Variants in AGAP1 observed in about 807,000 individuals in gnomAD.
AGAP1 encodes the protein arf-GAP with GTPase, ANK repeat and PH domain-containing protein 1.
In AGAP1, 29 loss-of-function variants were observed where a neutral mutation model predicts 105.3. That is an observed-to-expected ratio of 0.28 (90% CI 0.21 to 0.38). The LOEUF is 0.38. Among genes scored for constraint, AGAP1 ranks in the 10% least tolerant of loss-of-function variants. AGAP1 has a pLI of 1.00. For missense variants in AGAP1, 998 were observed against 1,165.1 expected (o/e 0.86, Z 2.09); for synonymous variants, 509 against 485.9 (o/e 1.05, Z -0.63).
chr2:235,812,621 C>A (rs562678632), intron 9 of AGAP1, among the ~76,000 whole-genome samples: 3 of 152,350 alleles, frequency 2.0e-5, no homozygotes, highest in African/African-American at 7.2e-5. Context: ...GCGTGTGCTG[C>A]TTTCATGGAG....
At chr2:235,632,192 G>A (rs1345343359) in intron 1 of AGAP1, among the ~76,000 whole-genome samples, 1 of 152,214 alleles carries the variant, frequency 6.6e-6, no homozygotes, top group African/African-American at 2.4e-5. Context: ...TAGCCGCCCT[G>A]GCAGTTCAGT....
rs183982989 is a variant in AGAP1, at chr2:235,874,295, G to A, written c.1051-9050G>A. The stretch of plus-strand genomic sequence containing the variant: ...CGATCTCCTGACCTTGTGATCTGCC[G>A]GCCTCGGCCTCCCAAAGTGCTGGGG... On this transcript the variant is annotated intron_variant, in intron 9 of 17. Coordinates refer to ENST00000304032, the MANE Select transcript of AGAP1 (RefSeq NM_001037131.3). The surrounding 1 kb of genome is among the most constrained non-coding windows in gnomAD (Gnocchi z 4.5). Among the ~76,000 whole-genome samples the A allele has an allele frequency of 1.2e-4, 18 of 151,218 alleles. No homozygotes were observed. The highest frequency in any genetic ancestry group is 7.9e-4 in the Admixed American group (12 of 15,210).
intron 9 of AGAP1, among the ~76,000 whole-genome samples, chr2:235,837,108 C>G (rs1425485008): frequency 6.6e-6 from 1 of 152,174 alleles, no homozygotes; most frequent in Non-Finnish European, 1.5e-5. Context: ...GCCTCAGCCT[C>G]CCAAGTAGCT....
intron 2 of AGAP1, among the ~76,000 whole-genome samples, chr2:235,710,036 ATG>A (rs899335684): frequency 1.3e-5 from 2 of 152,254 alleles, no homozygotes; most frequent in South Asian, 2.1e-4. Context: ...TAATTTCTGT[ATG>A]TGTGTGTATG....
intron 13 of AGAP1, among the ~76,000 whole-genome samples, chr2:235,980,317 A>C (rs2055038862): frequency 6.6e-6 from 1 of 152,146 alleles, no homozygotes; most frequent in South Asian, 2.1e-4. Flanking sequence ...TCATCCCAGG[A>C]TAAGTGCTTT....
chr2:236,045,163 C>G lies in AGAP1; in HGVS notation c.1892-3896C>G, dbSNP rs1482850874. ...ACTCCTGGCCTTCGGCGATCCTCCC[C>G]CATTGACCTCCCAAAGTGCTGGGAT... On this transcript the variant is annotated intron_variant, in intron 15 of 17. Transcript: ENST00000304032. The surrounding 1 kb of genome is among the most constrained non-coding windows in gnomAD (Gnocchi z 6.9). Among the ~76,000 whole-genome samples the G allele has an allele frequency of 1.3e-5, 2 of 152,160 alleles. No individual in the cohort carries two copies. Among genetic ancestry groups the G allele is most frequent in the Non-Finnish European group, 2.9e-5 (2 of 68,036 alleles).
chr2:235,658,632 G>C (rs995908168), intron 1 of AGAP1, among the ~76,000 whole-genome samples: 3 of 152,128 alleles, frequency 2.0e-5, no homozygotes, highest in Non-Finnish European at 4.4e-5. Context: ...CAGTGGACAG[G>C]GCTGGGCTTC....
rs1162867348 is a variant in AGAP1, at chr2:235,887,968, C to T, written c.1155+4519C>T. ...CAGCCCATCACCGGCAGCGCTTGCT[C>T]GTGGTGGTGAGGCCTCTCCCTTCCG... On this transcript the variant is annotated intron_variant, in intron 10 of 17. Coordinates refer to ENST00000304032, the MANE Select transcript of AGAP1 (RefSeq NM_001037131.3). This position sits in a 1 kb window ranked among gnomAD's most constrained non-coding sequence, Gnocchi z 4.1. Among the ~76,000 whole-genome samples the T allele has an allele frequency of 6.6e-6, 1 of 152,148 alleles. No homozygotes were observed. Among genetic ancestry groups the T allele is most frequent in the African/African-American group, 2.4e-5 (1 of 41,430 alleles).
In AGAP1 at chr2:235,752,457, G is replaced by A. The variant is rs188402560; in HGVS notation, c.673+1969G>A. ...GCCTCCCAAAGTGCTAGGATTATAG[G>A]CATGAGCCACCGCGCCTGGCTGTAA... On this transcript the variant is annotated intron_variant, in intron 6 of 17. Coordinates refer to ENST00000304032, the MANE Select transcript of AGAP1 (RefSeq NM_001037131.3). This position sits in a 1 kb window ranked among gnomAD's most constrained non-coding sequence, Gnocchi z 4.3. Among the ~76,000 whole-genome samples, 14 of 152,264 alleles carry A rather than the reference G, an allele frequency of 9.2e-5. No homozygotes were observed. In the East Asian group the frequency reaches 2.5e-3, roughly 27 times the overall value.
rs199682678 is a variant in AGAP1 at position 235,884,457 on chromosome 2, T to TTTTTTTGTTTG, written c.1155+1014_1155+1015insGTTTGTTTTTT. On this transcript the variant is annotated intron_variant, in intron 10 of 17. Transcript: ENST00000304032. ...GTATTAGGTTATTTTTCACTGTTTT[T>TTTTTTTGTTTG]TTTTTTTTTTTTGAGAGGAGTCTCA... is the stretch of plus-strand genomic sequence containing the variant. Among the ~76,000 whole-genome samples, 984 of 145,368 alleles carry TTTTTTTGTTTG rather than the reference T, an allele frequency of 6.8e-3. 14 individuals carry two copies. The highest frequency in any genetic ancestry group is 0.025 in the African/African-American group (918 of 36,970).
At chr2:235,571,306 A>G (rs1001831301) in intron 1 of AGAP1, among the ~76,000 whole-genome samples, 3 of 152,254 alleles carry the variant, frequency 2.0e-5, no homozygotes, top group African/African-American at 7.2e-5. Flanking sequence ...TCTTATGCAT[A>G]GTAAAACATT....
At chr2:235,671,634 G>A (rs1316912070) in intron 1 of AGAP1, among the ~76,000 whole-genome samples, 1 of 152,214 alleles carries the variant, frequency 6.6e-6, no homozygotes, top group African/African-American at 2.4e-5. Flanking sequence ...TGGGACGGAG[G>A]CCCCTCTCTC....
At position 235,577,587 on chromosome 2, in the gene AGAP1, G is replaced by C. The variant is rs1200344659; in HGVS notation, c.163+82738G>C. Among the ~76,000 whole-genome samples, 2 of 152,158 alleles carry C rather than the reference G, an allele frequency of 1.3e-5. No individual in the cohort carries two copies. On this transcript the variant is annotated intron_variant, in intron 1 of 17. Coordinates refer to ENST00000304032, the MANE Select transcript of AGAP1 (RefSeq NM_001037131.3). The surrounding 1 kb of genome is among the most constrained non-coding windows in gnomAD (Gnocchi z 4.5). Reference sequence around the variant, plus strand: ...AGCTGAGAGTCCCTTGCTGCCCGGAGCATGGCTGTGTGGCTGCCTGACTAC... The same window carrying C: ...AGCTGAGAGTCCCTTGCTGCCCGGACCATGGCTGTGTGGCTGCCTGACTAC...
intron 12 of AGAP1, among the ~76,000 whole-genome samples, chr2:235,947,322 A>G (rs2053544352): frequency 6.6e-6 from 1 of 152,154 alleles, no homozygotes; most frequent in Non-Finnish European, 1.5e-5. Flanking sequence ...AGAGCATACC[A>G]TGTTTGGTTT....
rs149383183 is a variant in AGAP1, at chr2:235,527,883, C to T, written c.163+33034C>T. 2.6e-5 allele frequency among the ~76,000 whole-genome samples: 4 copies of T among 152,276 alleles called. No individual in the cohort carries two copies. The East Asian group carries it at 5.8e-4, about 22-fold the overall frequency. The stretch of plus-strand genomic sequence containing the variant: ...CTGTGTATAAAGGTATCCGTAAAGC[C>T]TCATGCCCTGCATTTCACATCTAGC... On this transcript the variant is annotated intron_variant, in intron 1 of 17. Coordinates refer to ENST00000304032, the MANE Select transcript of AGAP1 (RefSeq NM_001037131.3).
At chr2:236,079,309 A>G (rs1001294228) in intron 16 of AGAP1, among the ~76,000 whole-genome samples, 2 of 150,076 alleles carry the variant, frequency 1.3e-5, no homozygotes, top group Non-Finnish European at 1.5e-5. Flanking sequence ...TCTTGAGGCC[A>G]GGAGTTCGAG....
In AGAP1 at chr2:235,778,900, G is replaced by C. The variant is rs185874296; in HGVS notation, c.674-18859G>C. Reference sequence around the variant, plus strand: ...CTGTGGCCTCTCCAGCCCCGTGGCAGTCCTCACTGCAGGAGGCTGGCACCC... The same window carrying C: ...CTGTGGCCTCTCCAGCCCCGTGGCACTCCTCACTGCAGGAGGCTGGCACCC... On this transcript the variant is annotated intron_variant, in intron 6 of 17. Coordinates refer to ENST00000304032, the MANE Select transcript of AGAP1 (RefSeq NM_001037131.3). 2.6e-5 allele frequency among the ~76,000 whole-genome samples: 4 copies of C among 152,336 alleles called. No individual in the cohort carries two copies. The East Asian group carries it at 7.7e-4, about 29-fold the overall frequency.
intron 1 of AGAP1, chr2:235,670,896 G>A: frequency 1.5e-6 from 2 of 1,349,040 alleles, no homozygotes; most frequent in Non-Finnish European, 1.9e-6. Context: ...CGGCTGCTGC[G>A]CTTCTTCAGC....
At chr2:235,703,070 G>A (rs1028552999) in intron 1 of AGAP1, among the ~76,000 whole-genome samples, 5 of 151,790 alleles carry the variant, frequency 3.3e-5, no homozygotes, top group Admixed American at 3.3e-4. Context: ...TGGGATTACA[G>A]GCGCACACCA....
Sources: allele counts gnomAD v4.1 joint callset (sites outside exome capture counted in the v4.1 genomes callset), GRCh38; gene constraint gnomAD v4.1.1; non-coding constraint Gnocchi (gnomAD v3.1); transcripts MANE v1.5; gene names NCBI Gene and HGNC (gene_info 2026-07-23, HGNC 2026-07-21).